TRAPPC9: variants seen among roughly 807,000 people sequenced by gnomAD.
TRAPPC9 encodes IKK2 binding protein.
TRAPPC9 carries 83 observed loss-of-function variants against 124.0 expected under a neutral mutation model. That is an observed-to-expected ratio of 0.67 (90% CI 0.56 to 0.80). The LOEUF (loss-of-function observed/expected upper bound fraction) is 0.80. Ranked by LOEUF, TRAPPC9 falls within the 30% of genes least tolerant of loss-of-function variation. The probability of loss-of-function intolerance (pLI) is 0.00; values close to 1 mark genes in which losing one functional copy is unlikely to be tolerated. For synonymous variants in TRAPPC9, 638 were observed against 617.5 expected, an observed-to-expected ratio of 1.03 and a Z score of -0.49; for missense variants, 1,302 against 1,508.3, an observed-to-expected ratio of 0.86 and a Z score of 2.27.
chr8:139,791,182 C>T (rs1035744300), intron 21 of TRAPPC9, among the ~76,000 whole-genome samples: 3 of 152,324 alleles, frequency 2.0e-5, no homozygotes, highest in Middle Eastern at 3.4e-3. Context: ...TCCTCAGGGA[C>T]GGTCCCTGTC....
intron 21 of TRAPPC9, among the ~76,000 whole-genome samples, chr8:139,740,758 C>A (rs1239626999): frequency 2.0e-5 from 3 of 152,232 alleles, no homozygotes; most frequent in Non-Finnish European, 4.4e-5. Context: ...GGGGCCCCAA[C>A]TGGAGCCATC....
At chr8:139,794,120 C>A (rs545418118) in intron 21 of TRAPPC9, among the ~76,000 whole-genome samples, 1 of 152,038 alleles carries the variant, frequency 6.6e-6, no homozygotes, top group Non-Finnish European at 1.5e-5. Context: ...TGGCTCTGAG[C>A]GTCGCTGGGC....
chr8:140,329,252 ATCT>A, intron 9 of TRAPPC9, among the ~76,000 whole-genome samples: 1 of 152,258 alleles, frequency 6.6e-6, no homozygotes, highest in Middle Eastern at 3.4e-3. Context: ...AAAAGGTGAG[ATCT>A]TCTGGAAAGA....
At position 139,732,187 on chromosome 8, in the gene TRAPPC9, C is replaced by T; in HGVS notation, c.3071G>A (p.Gly1024Glu). 6.3e-7 allele frequency: 1 copy of T among 1,592,768 alleles called. No homozygotes were observed. Among genetic ancestry groups the T allele is most frequent in the Non-Finnish European group, 8.5e-7 (1 of 1,175,098 alleles). Reference protein sequence around the residue: ...APLQWDVLVDGQPCDREAVAA... With the variant: ...APLQWDVLVDEQPCDREAVAA... ...CACAGCCTCGCGGTCACATGGCTGT[C>T]CGTCCACCAGCACATCTGTAAGGGA... Residue 1024 changes from glycine to glutamate, a missense_variant, in exon 22 of 23, where the codon GGA becomes GAA. By Grantham distance (98) the Gly-to-Glu change is moderately conservative (BLOSUM62 -2). This residue lies in a region of TRAPPC9 where 640 missense variants were observed against 679.3 expected (regional missense o/e 0.94). Transcript: ENST00000438773.
chr8:140,223,641 A>G (rs2063384980), intron 16 of TRAPPC9, among the ~76,000 whole-genome samples: 2 of 152,232 alleles, frequency 1.3e-5, no homozygotes, highest in African/African-American at 2.4e-5. Context: ...CACAAAATGT[A>G]TATTTCCAAA....
At position 140,043,426 on chromosome 8, in the gene TRAPPC9, T is replaced by A. The variant is rs553012348; in HGVS notation, c.2557-19347A>T. 3.3e-5 allele frequency among the ~76,000 whole-genome samples: 5 copies of A among 152,318 alleles called. No individual in the cohort carries two copies. The South Asian group carries it at 1.0e-3, about 32-fold the overall frequency. ...GAGGCTTAAAGAGCATGAAGTAACA[T>A]GTCCCAGACCTCACCTTCAGTGATA... On this transcript the variant is annotated intron_variant, in intron 17 of 22. Coordinates refer to ENST00000438773, the MANE Select transcript of TRAPPC9 (RefSeq NM_001160372.4).
chr8:140,163,568 G>A (rs79773840), intron 17 of TRAPPC9, among the ~76,000 whole-genome samples: 7,278 of 152,270 alleles, frequency 0.048, 533 homozygotes, highest in African/African-American at 0.16. Context: ...AGAGGGTGGC[G>A]GGCAGATGGA....
At chr8:140,455,991 C>T (rs975889584) in intron 1 of TRAPPC9, among the ~76,000 whole-genome samples, 7 of 152,074 alleles carry the variant, frequency 4.6e-5, no homozygotes, top group African/African-American at 1.7e-4. Flanking sequence ...GAAAGTAAAC[C>T]GGTGGCCGCC....
chr8:139,930,509 C>T (rs1190902643), intron 19 of TRAPPC9, among the ~76,000 whole-genome samples: 3 of 152,160 alleles, frequency 2.0e-5, no homozygotes, highest in Non-Finnish European at 4.4e-5. Context: ...CAGCAATGCT[C>T]GCATCAGACA....
intron 5 of TRAPPC9, among the ~76,000 whole-genome samples, chr8:140,422,155 C>T (rs550554876): frequency 2.0e-5 from 3 of 151,992 alleles, no homozygotes; most frequent in Non-Finnish European, 4.4e-5. Flanking sequence ...TGACCCTCAG[C>T]GAGTCAGAAA....
At chr8:140,333,264 T>A (rs2066943281) in intron 9 of TRAPPC9, among the ~76,000 whole-genome samples, 3 of 152,220 alleles carry the variant, frequency 2.0e-5, no homozygotes, top group Admixed American at 2.0e-4. Flanking sequence ...GCATAATTTT[T>A]TCCTGTTTAT....
intron 5 of TRAPPC9, among the ~76,000 whole-genome samples, chr8:140,415,344 A>G (rs1410857149): frequency 6.6e-6 from 1 of 152,160 alleles, no homozygotes; most frequent in Non-Finnish European, 1.5e-5. Flanking sequence ...ACTTGCGGTC[A>G]GGAGTTCAAG....
chr8:139,933,285 A>G (rs1027877806), intron 19 of TRAPPC9: 1 of 152,322 alleles, frequency 6.6e-6, no homozygotes, highest in Non-Finnish European at 1.5e-5. Context: ...TAATTAGCGC[A>G]TGAATACGTG....
Position 140,300,505 on chromosome 8 carries a change from C to A in TRAPPC9, c.1732G>T (p.Ala578Ser), listed in dbSNP as rs750502015. ...TTCCGCTCTTCTCCACGGTTGTGTG[C>A]GATAATTGGTGAATAGATGAAAGGA... Reference protein sequence around the residue: ...KSPFIYSPIIAHNRGEERNKK... With the variant: ...KSPFIYSPIISHNRGEERNKK... The change falls in exon 11 of 23, where the codon GCA (alanine) becomes TCA (serine). Residue 578 changes from alanine (A) to serine (S), a missense_variant. Physicochemically the swap from Ala to Ser is moderately conservative, Grantham distance 99. Transcript: ENST00000438773. 1.2e-6 allele frequency: 2 copies of A among 1,614,196 alleles called. No individual in the cohort carries two copies. The highest frequency in any genetic ancestry group is 1.7e-6 in the Non-Finnish European group (2 of 1,180,030).
At chr8:140,137,848 C>T (rs6996103) in intron 17 of TRAPPC9, among the ~76,000 whole-genome samples, 1 of 152,068 alleles carries the variant, frequency 6.6e-6, no homozygotes, top group Non-Finnish European at 1.5e-5. Context: ...TAAACCATAA[C>T]CATATACGAT....
chr8:140,137,642 C>A (rs1427577574), intron 17 of TRAPPC9, among the ~76,000 whole-genome samples: 1 of 152,222 alleles, frequency 6.6e-6, no homozygotes, highest in African/African-American at 2.4e-5. Flanking sequence ...TACATTTTAA[C>A]TAGACGTTCC....
intron 11 of TRAPPC9, among the ~76,000 whole-genome samples, chr8:140,291,606 C>T (rs1056152233): frequency 6.6e-6 from 1 of 152,220 alleles, no homozygotes; most frequent in Non-Finnish European, 1.5e-5. Context: ...TGTGCATGCA[C>T]TATGTAATCC....
intron 16 of TRAPPC9, among the ~76,000 whole-genome samples, chr8:140,238,731 G>A (rs1445672169): frequency 6.6e-6 from 1 of 152,190 alleles, no homozygotes; most frequent in Non-Finnish European, 1.5e-5. Context: ...GTAGAGAGCT[G>A]GAAACAACAA....
intron 19 of TRAPPC9, among the ~76,000 whole-genome samples, chr8:139,925,388 T>C (rs1832748744): frequency 6.6e-6 from 1 of 152,192 alleles, no homozygotes; most frequent in Non-Finnish European, 1.5e-5. Flanking sequence ...GACCCTTTCA[T>C]TCTGCATAGA....
Sources: allele counts gnomAD v4.1 joint callset (sites outside exome capture counted in the v4.1 genomes callset), GRCh38; gene constraint gnomAD v4.1.1; regional missense constraint gnomAD v4.1.1; transcripts MANE v1.5; gene names NCBI Gene and HGNC (gene_info 2026-07-23, HGNC 2026-07-21).